The following EXOC6 variants were observed in gnomAD, a reference collection of about 807,000 sequenced individuals.
EXOC6 encodes exocyst complex component 6, also known as SEC15-like 1.
A neutral mutation model predicts 112.5 loss-of-function variants in EXOC6; 60 were observed. That is an observed-to-expected ratio of 0.53 (90% CI 0.43 to 0.66). The LOEUF (loss-of-function observed/expected upper bound fraction) is 0.66, where lower values mean the gene tolerates loss of function less well. EXOC6 is among the 30% of genes least tolerant of loss of function. The probability of loss-of-function intolerance (pLI) is 0.00; values close to 1 mark genes in which losing one functional copy is unlikely to be tolerated. For synonymous variants in EXOC6, 295 were observed against 308.0 expected, an observed-to-expected ratio of 0.96 and a Z score of 0.44; for missense variants, 855 against 957.1, an observed-to-expected ratio of 0.89 and a Z score of 1.41.
At chr10:93,051,044 C>A (rs1206325631) in intron 20 of EXOC6, among the ~76,000 whole-genome samples, 3 of 151,796 alleles carry the variant, frequency 2.0e-5, no homozygotes, top group Admixed American at 6.6e-5. Flanking sequence ...ATGTATGTAT[C>A]TATATGCTAT....
At chr10:93,044,694 CTA>C (rs1845924830) in intron 20 of EXOC6, among the ~76,000 whole-genome samples, 2 of 152,276 alleles carry the variant, frequency 1.3e-5, no homozygotes, top group African/African-American at 4.8e-5. Flanking sequence ...AAATTGGAGT[CTA>C]TTTTTTTTCC....
At chr10:92,897,792 C>T (rs1849908869) in intron 4 of EXOC6, among the ~76,000 whole-genome samples, 1 of 152,162 alleles carries the variant, frequency 6.6e-6, no homozygotes, top group Non-Finnish European at 1.5e-5. Flanking sequence ...TTGTCTCTTA[C>T]CTTCTTCTAA....
At position 92,850,733 on chromosome 10, in the gene EXOC6, T is replaced by G. The variant is rs12269081; in HGVS notation, c.101+2099T>G. Reference sequence around the variant, plus strand: ...TTTTGAAGGAAATCCAAGACATCAATTTATTCATAAATATTTTAGTATTAA... The same window carrying G: ...TTTTGAAGGAAATCCAAGACATCAAGTTATTCATAAATATTTTAGTATTAA... On this transcript the variant is annotated intron_variant, in intron 1 of 21. Coordinates refer to ENST00000260762, the MANE Select transcript of EXOC6 (RefSeq NM_019053.6). Among the ~76,000 whole-genome samples, 1,135 of 152,342 alleles carry G rather than the reference T, an allele frequency of 7.5e-3. 16 individuals are homozygous for G. Among genetic ancestry groups the G allele is most frequent in the African/African-American group, 0.026 (1,092 of 41,580 alleles).
chr10:92,828,635 G>GTTTT (rs11361269), intron 1 of EXOC6, among the ~76,000 whole-genome samples: 2 of 127,160 alleles, frequency 1.6e-5, no homozygotes, highest in African/African-American at 3.1e-5. Flanking sequence ...TGCCCCGCCA[G>GTTTT]TTTTTTTTTT....
In EXOC6 at chr10:93,057,026, CT is replaced by C; in HGVS notation, c.2276del (p.Leu759TrpfsTer4). ...LRVNPNTALT[L>X]LEKMKDTSKK... is the part of the protein sequence containing the mutation. ...GGTGAATCCAAACACAGCCCTTACTCTTTTGGAGAAGTGAGTATATTCTGAA... is the reference window on the plus strand; with the variant it reads ...GGTGAATCCAAACACAGCCCTTACTCTTTGGAGAAGTGAGTATATTCTGAA... On this transcript the variant is annotated frameshift_variant, in exon 21 of 22. Transcript: ENST00000260762. LOFTEE classifies it high-confidence loss of function. The C allele has an allele frequency of 1.9e-6, 3 of 1,554,640 alleles. No homozygotes were observed. Among genetic ancestry groups the C allele is most frequent in the African/African-American group, 1.4e-5 (1 of 69,782 alleles).
At chr10:92,903,294 T>A (rs1850273563) in intron 5 of EXOC6, among the ~76,000 whole-genome samples, 1 of 152,080 alleles carries the variant, frequency 6.6e-6, no homozygotes, top group Non-Finnish European at 1.5e-5. Flanking sequence ...TGAGCCATTT[T>A]GGTAAGTATA....
intron 8 of EXOC6, among the ~76,000 whole-genome samples, chr10:92,921,690 C>G (rs1851455663): frequency 6.7e-6 from 1 of 149,922 alleles, no homozygotes; most frequent in African/African-American, 2.5e-5. Context: ...CTCTGTCACC[C>G]AAGATGGAGT....
At chr10:93,009,392 CATTT>C (rs1368689673) in intron 19 of EXOC6, among the ~76,000 whole-genome samples, 1 of 152,088 alleles carries the variant, frequency 6.6e-6, no homozygotes, top group Non-Finnish European at 1.5e-5. Context: ...TTTCTTCATT[CATTT>C]AAGAAACTTT....
intron 18 of EXOC6, 82 bp from the exon 19 acceptor site, chr10:92,997,392 G>C (rs1843541440): frequency 7.6e-7 from 1 of 1,308,498 alleles, no homozygotes; most frequent in Non-Finnish European, 1.0e-6. Flanking sequence ...AAGAATGCCA[G>C]GTGTATGATT....
At chr10:92,906,621 G>A (rs1850459603) in intron 5 of EXOC6, among the ~76,000 whole-genome samples, 1 of 152,044 alleles carries the variant, frequency 6.6e-6, no homozygotes, top group South Asian at 2.1e-4. Context: ...AAAAATCAGA[G>A]ACTTAACATT....
At chr10:93,029,728 T>G (rs1845187670) in intron 20 of EXOC6, among the ~76,000 whole-genome samples, 1 of 152,198 alleles carries the variant, frequency 6.6e-6, no homozygotes, top group African/African-American at 2.4e-5. Flanking sequence ...GATATTTTCC[T>G]TTGTTTTCTT....
At chr10:92,938,460 G>A (rs1649232576) in intron 12 of EXOC6, among the ~76,000 whole-genome samples, 1 of 152,052 alleles carries the variant, frequency 6.6e-6, no homozygotes, top group African/African-American at 2.4e-5. Context: ...ATTAAAGAAT[G>A]TTACATAATA....
intron 18 of EXOC6, among the ~76,000 whole-genome samples, chr10:92,977,518 A>C (rs1267716119): frequency 6.6e-6 from 1 of 152,098 alleles, no homozygotes; most frequent in East Asian, 1.9e-4. Flanking sequence ...GAAATCTATA[A>C]ATATATTTAA....
At chr10:92,960,577 A>G (rs1853929801) in intron 17 of EXOC6, among the ~76,000 whole-genome samples, 2 of 142,774 alleles carry the variant, frequency 1.4e-5, no homozygotes, top group Non-Finnish European at 3.0e-5. Flanking sequence ...TCTAAAAAAT[A>G]GTCTATTTAA....
chr10:92,896,974 G>A (rs1478855521), intron 4 of EXOC6, among the ~76,000 whole-genome samples: 1 of 152,014 alleles, frequency 6.6e-6, no homozygotes, highest in African/African-American at 2.4e-5. Flanking sequence ...ATAAAATGTT[G>A]GCTTATTATG....
intron 19 of EXOC6, among the ~76,000 whole-genome samples, chr10:93,009,875 G>A (rs1389232147): frequency 1.3e-5 from 2 of 152,170 alleles, no homozygotes; most frequent in Non-Finnish European, 2.9e-5. Flanking sequence ...AGATGATGGG[G>A]AACTATTGAA....
intron 18 of EXOC6, among the ~76,000 whole-genome samples, chr10:92,995,964 A>T (rs967011559): frequency 6.6e-6 from 1 of 152,208 alleles, no homozygotes; most frequent in African/African-American, 2.4e-5. Context: ...AAGCATCTTG[A>T]AAATGTATTT....
At chr10:93,032,021 A>G (rs1487721465) in intron 20 of EXOC6, among the ~76,000 whole-genome samples, 1 of 152,192 alleles carries the variant, frequency 6.6e-6, no homozygotes, top group African/African-American at 2.4e-5. Context: ...CTTATGTTCT[A>G]CCACTTTATA....
At position 92,935,800 on chromosome 10, in the gene EXOC6, G is replaced by A. The variant is rs1232820415; in HGVS notation, c.1141-14G>A. The A allele has an allele frequency of 1.3e-6, 2 of 1,588,788 alleles. No homozygotes were observed. The stretch of plus-strand genomic sequence containing the variant: ...TGTCGGTGTTTTGTTTTGTTTGTGT[G>A]TTTCCACCCTCAGTCCTATTGCACT... On this transcript the variant is annotated splice_polypyrimidine_tract_variant and intron_variant, in intron 11 of 21. Coordinates refer to ENST00000260762, the MANE Select transcript of EXOC6 (RefSeq NM_019053.6).
Sources: gnomAD v4.1 joint callset for allele counts (sites outside exome capture counted in the v4.1 genomes callset) on GRCh38, gnomAD v4.1.1 for gene constraint, MANE v1.5 for transcripts, NCBI Gene and HGNC (gene_info 2026-07-23, HGNC 2026-07-21) for gene names.